Variants in CFAP77 observed in about 807,000 individuals in gnomAD.
The protein encoded by CFAP77 is cilia- and flagella-associated protein 77.
In CFAP77, 25 loss-of-function variants were observed where a neutral mutation model predicts 31.1. The ratio of observed to expected loss-of-function variants is 0.80; its 90% CI spans 0.59 to 1.12. The LOEUF (loss-of-function observed/expected upper bound fraction) is 1.12. Ranked by LOEUF, CFAP77 falls within the 50% of genes most tolerant of loss-of-function variation. The pLI is 0.00. For synonymous variants in CFAP77, 151 were observed against 159.9 expected, an observed-to-expected ratio of 0.94 and a Z score of 0.42; for missense variants, 377 against 397.3, an observed-to-expected ratio of 0.95 and a Z score of 0.44.
At chr9:132,421,799 G>C (rs187899561) in intron 1 of CFAP77, 3 of 150,128 alleles carry the variant, frequency 2.0e-5, no homozygotes, top group Non-Finnish European at 4.4e-5. Context: ...GCACCACAGT[G>C]AGGAGTTCGC....
Position 132,499,749 on chromosome 9 carries a change from T to C in CFAP77, c.524+149T>C. The C allele has an allele frequency of 1.3e-6, 1 of 742,444 alleles. No individual in the cohort carries two copies. The highest frequency in any genetic ancestry group is 2.3e-6 in the Non-Finnish European group (1 of 441,218). The allele number at this position is 742,444 out of a possible 1,614,324, so 46.0% of individuals were successfully genotyped here. A position where few individuals can be genotyped will look rare whatever the true frequency, so the allele number is the denominator to read the frequency against. The stretch of plus-strand genomic sequence containing the variant: ...ATGACTCTCTCTTGTGTGACCTCTA[T>C]AGCCACACCCTGAATCCTGCTGAGC... On this transcript the variant is annotated intron_variant, in intron 3 of 5. Coordinates refer to ENST00000393216, the MANE Select transcript of CFAP77 (RefSeq NM_001282957.2). The surrounding 1 kb of genome is among the most constrained non-coding windows in gnomAD (Gnocchi z 5.4).
At chr9:132,468,817 A>T (rs1851202573) in intron 1 of CFAP77, among the ~76,000 whole-genome samples, 1 of 151,910 alleles carries the variant, frequency 6.6e-6, no homozygotes, top group African/African-American at 2.4e-5. Flanking sequence ...ACACGCACGC[A>T]CACACGGCAC....
chr9:132,456,506 C>G (rs931031886), intron 1 of CFAP77, among the ~76,000 whole-genome samples: 1 of 152,222 alleles, frequency 6.6e-6, no homozygotes, highest in African/African-American at 2.4e-5. Flanking sequence ...GCAGTGCCTT[C>G]TAGCCCTGTG....
intron 5 of CFAP77, among the ~76,000 whole-genome samples, chr9:132,550,271 G>A (rs920825961): frequency 6.6e-6 from 1 of 152,196 alleles, no homozygotes; most frequent in African/African-American, 2.4e-5. Context: ...TCGGTTTTTT[G>A]TTGAAAATCA....
chr9:132,556,113 A>C (rs933425825), intron 5 of CFAP77, among the ~76,000 whole-genome samples: 1 of 152,180 alleles, frequency 6.6e-6, no homozygotes, highest in African/African-American at 2.4e-5. Flanking sequence ...ATTCTCAAGC[A>C]GGCATCGTCA....
intron 1 of CFAP77, among the ~76,000 whole-genome samples, chr9:132,487,138 A>G (rs908542192): frequency 3.9e-5 from 6 of 152,268 alleles, no homozygotes; most frequent in Non-Finnish European, 7.3e-5. Context: ...GACAGCAGTA[A>G]TAGAAGCCAT....
chr9:132,476,674 G>A (rs1256569974), intron 1 of CFAP77, among the ~76,000 whole-genome samples: 4 of 152,146 alleles, frequency 2.6e-5, no homozygotes, highest in Non-Finnish European at 4.4e-5. Flanking sequence ...AAAGGGGAGG[G>A]AGATTTGAGG....
At chr9:132,467,362 C>T (rs1851171587) in intron 1 of CFAP77, among the ~76,000 whole-genome samples, 1 of 152,152 alleles carries the variant, frequency 6.6e-6, no homozygotes, top group Non-Finnish European at 1.5e-5. Context: ...TCCCCCTCCT[C>T]CCCTCAGCTC....
intron 4 of CFAP77, among the ~76,000 whole-genome samples, chr9:132,540,484 A>T (rs1361540921): frequency 6.6e-6 from 1 of 152,088 alleles, no homozygotes; most frequent in Non-Finnish European, 1.5e-5. Flanking sequence ...CTGTTGGGGG[A>T]GGAAAATGTC....
intron 3 of CFAP77, among the ~76,000 whole-genome samples, chr9:132,519,255 GATGGATGAGTGA>G: frequency 6.8e-6 from 1 of 146,676 alleles, no homozygotes; most frequent in Non-Finnish European, 1.5e-5. Context: ...TGGATAGGTG[GATGGATGAGTGA>G]GTGGGTGGGT....
chr9:132,481,990 AT>A lies in CFAP77; in HGVS notation c.196-16700del, dbSNP rs557917531. On this transcript the variant is annotated intron_variant, in intron 1 of 5. Transcript: ENST00000393216. The surrounding 1 kb of genome is among the most constrained non-coding windows in gnomAD (Gnocchi z 5.0). ...GGGGGGGGGCGGCGGAACACTGAAC[AT>A]TTTTCTTCCCTATTACATGATGCGA... 3.1e-4 allele frequency among the ~76,000 whole-genome samples: 46 copies of A among 146,454 alleles called. No individual in the cohort carries two copies. In the East Asian group the frequency reaches 4.4e-3, roughly 14 times the overall value.
At chr9:132,567,488 C>T (rs950748281) in intron 5 of CFAP77, among the ~76,000 whole-genome samples, 3 of 152,180 alleles carry the variant, frequency 2.0e-5, no homozygotes, top group African/African-American at 7.2e-5. Flanking sequence ...ATCCTCCAGC[C>T]ACCTTCTTGG....
chr9:132,415,974 T>C (rs1460907077), intron 1 of CFAP77, among the ~76,000 whole-genome samples: 1 of 152,232 alleles, frequency 6.6e-6, no homozygotes, highest in Non-Finnish European at 1.5e-5. Flanking sequence ...ACCACCAACA[T>C]GTTAGCTATG....
chr9:132,466,253 T>C (rs1165093924), intron 1 of CFAP77, among the ~76,000 whole-genome samples: 1 of 152,180 alleles, frequency 6.6e-6, no homozygotes, highest in East Asian at 1.9e-4. Flanking sequence ...TTTTTTTAAA[T>C]GCCCCTTGAT....
chr9:132,439,642 C>T (rs62578561), intron 1 of CFAP77, among the ~76,000 whole-genome samples: 2,884 of 151,940 alleles, frequency 0.019, 57 homozygotes, highest in Non-Finnish European at 0.03. Context: ...GTCAGGAGAT[C>T]GAGACCATCC....
At chr9:132,542,501 C>T (rs1192595392) in intron 4 of CFAP77, among the ~76,000 whole-genome samples, 1 of 152,230 alleles carries the variant, frequency 6.6e-6, no homozygotes, top group Non-Finnish European at 1.5e-5. Context: ...AGCTCTCACT[C>T]CTCCTGCACG....
Position 132,439,985 on chromosome 9 carries a change from C to A in CFAP77, c.195+29519C>A, listed in dbSNP as rs779307214. On this transcript the variant is annotated intron_variant, in intron 1 of 5. Coordinates refer to ENST00000393216, the MANE Select transcript of CFAP77 (RefSeq NM_001282957.2). ...GGAGGATATCATTCTTATCGTAGAT[C>A]ATCATCATCAACATCAGCATAATGG... Among the ~76,000 whole-genome samples, 3 of 151,772 alleles carry A rather than the reference C, an allele frequency of 2.0e-5. No homozygotes were observed. In the South Asian group the frequency reaches 6.2e-4, roughly 32 times the overall value.
chr9:132,433,710 G>A (rs953965289), intron 1 of CFAP77, among the ~76,000 whole-genome samples: 10 of 152,048 alleles, frequency 6.6e-5, no homozygotes, highest in Admixed American at 2.0e-4. Flanking sequence ...ACCATGCCCA[G>A]CTAATTTTTG....
chr9:132,513,393 C>T (rs1301488495), intron 3 of CFAP77: 61 of 1,515,384 alleles, frequency 4.0e-5, no homozygotes, highest in East Asian at 9.9e-5. Flanking sequence ...AGAAATAAAA[C>T]GTGTCAAACA....
Sources: gnomAD v4.1 joint callset for allele counts (sites outside exome capture counted in the v4.1 genomes callset) on GRCh38, gnomAD v4.1.1 for gene constraint, Gnocchi (gnomAD v3.1) non-coding constraint, MANE v1.5 for transcripts, NCBI Gene and HGNC (gene_info 2026-07-23, HGNC 2026-07-21) for gene names.